Variants in ZNF280D observed in about 807,000 individuals in gnomAD.
ZNF280D encodes suppressor of hairy wing homolog 4.
Under a neutral mutation model 94.7 loss-of-function variants are expected in ZNF280D, and 39 were observed. That is an observed-to-expected ratio of 0.41 (90% confidence interval 0.32 to 0.54). The LOEUF is 0.54. Ranked by LOEUF, ZNF280D falls within the 20% of genes least tolerant of loss-of-function variation. The pLI, the probability that ZNF280D is intolerant of heterozygous loss-of-function variation, is 0.22. For missense variants in ZNF280D, 1,090 were observed against 1,149.3 expected (o/e 0.95, Z 0.75); for synonymous variants, 398 against 377.6 (o/e 1.05, Z -0.63).
At chr15:56,647,926 C>A (rs2052989756) in intron 19 of ZNF280D, among the ~76,000 whole-genome samples, 1 of 152,172 alleles carries the variant, frequency 6.6e-6, no homozygotes, top group South Asian at 2.1e-4. Flanking sequence ...AAACAGTTGA[C>A]AATTCAGTTC....
chr15:56,666,773 A>C lies in ZNF280D; in HGVS notation c.1759T>G (p.Tyr587Asp). The change falls in exon 15 of 22, where the codon TAC becomes GAC. Residue 587 changes from tyrosine (Y) to aspartate (D), a missense_variant. Physicochemically the swap from Tyr to Asp is radical, Grantham distance 160 (BLOSUM62 -3). This residue lies in a region of ZNF280D where 577 missense variants were observed against 568.8 expected (regional missense o/e 1.01). Coordinates refer to ENST00000267807, the MANE Select transcript of ZNF280D (RefSeq NM_017661.4). ...TSKPNGSKSK[Y>D]KPKISNMQKK... ...TGCATATTAGAGATTTTTGGTTTGT[A>C]TTTAGATTTACTTCCATTAGGCTTA... The C allele has an allele frequency of 3.7e-6, 6 of 1,613,720 alleles. No individual in the cohort carries two copies. Among genetic ancestry groups the C allele is most frequent in the Non-Finnish European group, 5.1e-6 (6 of 1,179,834 alleles).
intron 13 of ZNF280D, among the ~76,000 whole-genome samples, chr15:56,672,372 G>T (rs1422539474): frequency 6.6e-6 from 1 of 152,026 alleles, no homozygotes; most frequent in African/African-American, 2.4e-5. Context: ...CTAGTTTATT[G>T]AGAGTTTTTA....
At chr15:56,708,722 A>G (rs541474401) in intron 1 of ZNF280D, among the ~76,000 whole-genome samples, 2 of 152,216 alleles carry the variant, frequency 1.3e-5, no homozygotes, top group Non-Finnish European at 2.9e-5. Context: ...TAACCATCTG[A>G]TCTTTGACAA....
At chr15:56,706,257 CTGAGGTCAGTAGTT>C (rs1220117289) in intron 3 of ZNF280D, among the ~76,000 whole-genome samples, 1 of 149,096 alleles carries the variant, frequency 6.7e-6, no homozygotes, top group Non-Finnish European at 1.5e-5. Flanking sequence ...GGCGGATCAC[CTGAGGTCAGTAGTT>C]CGATACCAGC....
intron 7 of ZNF280D, among the ~76,000 whole-genome samples, chr15:56,692,262 G>A (rs535694358): frequency 6.6e-6 from 1 of 151,744 alleles, no homozygotes; most frequent in Non-Finnish European, 1.5e-5. Flanking sequence ...TTAAAAAATT[G>A]GAAAAACAGT....
chr15:56,668,691 A>T (rs2054468298), intron 14 of ZNF280D, 132 bp downstream of exon 14: 1 of 856,332 alleles, frequency 1.2e-6, no homozygotes, highest in Non-Finnish European at 1.7e-6. Context: ...TCTACACATA[A>T]AATTAAAACC....
chr15:56,640,031 T>C (rs1365558707), intron 20 of ZNF280D, among the ~76,000 whole-genome samples: 2 of 151,434 alleles, frequency 1.3e-5, no homozygotes, highest in Non-Finnish European at 2.9e-5. Flanking sequence ...ATTGCAACGT[T>C]AGAAAAAAAT....
intron 19 of ZNF280D, among the ~76,000 whole-genome samples, chr15:56,650,162 A>C (rs147823067): frequency 6.6e-6 from 1 of 152,192 alleles, no homozygotes; most frequent in East Asian, 1.9e-4. Flanking sequence ...CATGTTTCCA[A>C]CACCTGACAC....
chr15:56,721,419 T>C (rs2058352043), intron 1 of ZNF280D, among the ~76,000 whole-genome samples: 2 of 152,224 alleles, frequency 1.3e-5, no homozygotes, highest in African/African-American at 2.4e-5. Context: ...TTCTCCTTTC[T>C]AGCTATGAAA....
intron 1 of ZNF280D, among the ~76,000 whole-genome samples, chr15:56,712,315 G>T (rs2057801532): frequency 6.6e-6 from 1 of 151,988 alleles, no homozygotes; most frequent in Admixed American, 6.6e-5. Context: ...TTAACATTTA[G>T]ATAAGGTATC....
At position 56,631,312 on chromosome 15, in the gene ZNF280D, C is replaced by A; in HGVS notation, c.*186G>T. On this transcript the variant is annotated 3_prime_UTR_variant, in exon 22 of 22. Coordinates refer to ENST00000267807, the MANE Select transcript of ZNF280D (RefSeq NM_017661.4). Reference sequence around the variant, plus strand: ...TTTAAAAACTTTTTGGGAATCCCTACTAATCATGCTATTATTGGTGAATTG... The same window carrying A: ...TTTAAAAACTTTTTGGGAATCCCTAATAATCATGCTATTATTGGTGAATTG... 1.7e-6 allele frequency: 1 copy of A among 591,220 alleles called. No individual in the cohort carries two copies. Among genetic ancestry groups the A allele is most frequent in the Non-Finnish European group, 2.9e-6 (1 of 350,812 alleles). 36.6% of individuals were successfully genotyped at this position (591,220 alleles called of 1,614,324 possible). A position where few individuals can be genotyped will look rare whatever the true frequency, so the allele number is the denominator to read the frequency against.
In ZNF280D at chr15:56,689,070, G is replaced by A; in HGVS notation, c.751C>T (p.Leu251Phe). The A allele has an allele frequency of 1.2e-6, 2 of 1,607,282 alleles. No homozygotes were observed. The highest frequency in any genetic ancestry group is 1.7e-6 in the Non-Finnish European group (2 of 1,177,504). ...ATGTGATTTTTCAAAGGATCCAAAA[G>A]ATTGAAATGAATGTTGCACTTTGGA... Reference protein sequence around the residue: ...ACPKCNIHFNLLDPLKNHMKY... With the variant: ...ACPKCNIHFNFLDPLKNHMKY... The change falls in exon 9 of 22, where the codon CTT (leucine) becomes TTT (phenylalanine). Residue 251 changes from leucine (L) to phenylalanine (F), a missense_variant. Leu to Phe is a conservative substitution (Grantham distance 22, BLOSUM62 0). Transcript: ENST00000267807.
At chr15:56,677,996 T>C (rs535867420) in intron 11 of ZNF280D, among the ~76,000 whole-genome samples, 1 of 151,522 alleles carries the variant, frequency 6.6e-6, no homozygotes, top group African/African-American at 2.4e-5. Context: ...CCAACATCTG[T>C]AATTTTCTTT....
rs1364877357 is a variant in ZNF280D at position 56,682,320 on chromosome 15, T to G, written c.938A>C (p.Glu313Ala). 2 of 1,597,270 alleles carry G rather than the reference T, an allele frequency of 1.3e-6. No homozygotes were observed. The highest frequency in any genetic ancestry group is 2.7e-5 in the African/African-American group (2 of 73,656). The change falls in exon 10 of 22, where the codon GAG (glutamate) becomes GCG (alanine). Residue 313 changes from glutamate to alanine, a missense_variant. Physicochemically the swap from Glu to Ala is moderately radical, Grantham distance 107 (BLOSUM62 -1). Coordinates refer to ENST00000267807, the MANE Select transcript of ZNF280D (RefSeq NM_017661.4). ...AAAGGTTGTGTGAGTCTTCTGTTCCTCCTGGACATCTCCTTCATGTTTTCC... is the reference window on the plus strand; with the variant it reads ...AAAGGTTGTGTGAGTCTTCTGTTCCGCCTGGACATCTCCTTCATGTTTTCC... ...YYGKHEGDVQ[E>A]EQKTHTTFKC... is the part of the protein sequence containing the mutation.
chr15:56,686,734 A>C (rs2056042151), intron 9 of ZNF280D, among the ~76,000 whole-genome samples: 1 of 152,204 alleles, frequency 6.6e-6, no homozygotes, highest in African/African-American at 2.4e-5. Context: ...ATACTTTACA[A>C]AACAAAAAGG....
At chr15:56,709,805 C>T (rs1459384998) in intron 1 of ZNF280D, among the ~76,000 whole-genome samples, 11 of 151,876 alleles carry the variant, frequency 7.2e-5, no homozygotes, top group African/African-American at 2.7e-4. Flanking sequence ...GGGAATTGAA[C>T]AATGAGAACA....
intron 7 of ZNF280D, among the ~76,000 whole-genome samples, chr15:56,690,058 C>G (rs1566987132): frequency 1.3e-5 from 2 of 152,276 alleles, no homozygotes; most frequent in East Asian, 1.9e-4. Flanking sequence ...AATAACTAAT[C>G]TTGAATGATA....
At chr15:56,651,658 C>T (rs538698609) in intron 19 of ZNF280D, among the ~76,000 whole-genome samples, 50 of 152,154 alleles carry the variant, frequency 3.3e-4, no homozygotes, top group African/African-American at 1.1e-3. Context: ...CCTCCCCAAA[C>T]CTCCACCAGG....
At chr15:56,654,859 G>C in intron 17 of ZNF280D, 1 of 460,756 alleles carries the variant, frequency 2.2e-6, no homozygotes, top group Non-Finnish European at 4.3e-6. Context: ...AGTGAACATA[G>C]CGTATTCATT....
Sources: allele counts gnomAD v4.1 joint callset (sites outside exome capture counted in the v4.1 genomes callset), GRCh38; gene constraint gnomAD v4.1.1; regional missense constraint gnomAD v4.1.1; transcripts MANE v1.5; gene names NCBI Gene and HGNC (gene_info 2026-07-23, HGNC 2026-07-21).